IREB2: variants seen among roughly 807,000 people sequenced by gnomAD.
The protein encoded by IREB2 is iron responsive element binding protein 2.
IREB2 carries 39 observed loss-of-function variants against 118.8 expected under a neutral mutation model. That is an observed-to-expected ratio of 0.33 (90% confidence interval 0.25 to 0.43). The LOEUF is 0.43. Among genes scored for constraint, IREB2 ranks in the 20% least tolerant of loss-of-function variants. The pLI is 1.00. For missense variants in IREB2, 900 were observed against 1,147.3 expected, an observed-to-expected ratio of 0.78 and a Z score of 3.11; for synonymous variants, 372 against 392.2, an observed-to-expected ratio of 0.95 and a Z score of 0.61.
chr15:78,449,653 CAG>C (rs1595986314), intron 2 of IREB2, among the ~76,000 whole-genome samples: 1 of 152,166 alleles, frequency 6.6e-6, no homozygotes, highest in East Asian at 1.9e-4. Flanking sequence ...AGACATGAAA[CAG>C]AGTTTGTGAC....
chr15:78,465,003 T>C (rs1335758974), intron 3 of IREB2, among the ~76,000 whole-genome samples: 1 of 152,216 alleles, frequency 6.6e-6, no homozygotes, highest in Non-Finnish European at 1.5e-5. Context: ...TCCCTGAAGT[T>C]CGCTTATGCC....
At position 78,485,739 on chromosome 15, in the gene IREB2, G is replaced by A. The variant is rs1269842853; in HGVS notation, c.1608G>A (p.Leu536=). The A allele has an allele frequency of 6.2e-7, 1 of 1,613,916 alleles. No homozygotes were observed. The highest frequency in any genetic ancestry group is 1.1e-5 in the South Asian group (1 of 91,056). Residue 536 remains leucine (L), a synonymous_variant, in exon 13 of 22, where the codon CTG becomes CTA. Coordinates refer to ENST00000258886, the MANE Select transcript of IREB2 (RefSeq NM_004136.4). ...CTAAAAAGGCTGTTGAAGCTGGTCT[G>A]CGTGTTAAACCTTATATAAGAACAA... The part of the protein sequence containing the change: ...LLAKKAVEAG[L]RVKPYIRTSL...
At chr15:78,470,287 T>C (rs2051353664) in intron 5 of IREB2, among the ~76,000 whole-genome samples, 4 of 152,344 alleles carry the variant, frequency 2.6e-5, no homozygotes, top group South Asian at 4.1e-4. Context: ...TTTTGGACAT[T>C]GGTGTAATGT....
rs1301714045 is a variant in IREB2 at position 78,501,164 on chromosome 15, T to C, written c.*3021T>C. On this transcript the variant is annotated 3_prime_UTR_variant, in exon 22 of 22. Coordinates refer to ENST00000258886, the MANE Select transcript of IREB2 (RefSeq NM_004136.4). ...TGGACTTTGGCTTTTCAGTGTTTTT[T>C]CCCCTAAAGAGTGATATTGCTGACG... The C allele has an allele frequency of 1.3e-5, 2 of 152,192 alleles. No individual in the cohort carries two copies. Among genetic ancestry groups the C allele is most frequent in the Admixed American group, 6.5e-5 (1 of 15,270 alleles). The allele number at this position is 152,192 out of a possible 1,614,324, so 9.4% of individuals were successfully genotyped here.
At chr15:78,445,834 G>A (rs2050920087) in intron 2 of IREB2, among the ~76,000 whole-genome samples, 1 of 152,162 alleles carries the variant, frequency 6.6e-6, no homozygotes, top group Admixed American at 6.5e-5. Context: ...GCCCAGGCTG[G>A]AGTGTAGTGG....
chr15:78,467,817 G>C (rs1422286661), intron 5 of IREB2, among the ~76,000 whole-genome samples: 2 of 152,044 alleles, frequency 1.3e-5, no homozygotes, highest in African/African-American at 4.8e-5. Context: ...AAACTCTTAG[G>C]CTCAAGCGAT....
At chr15:78,459,703 A>G (rs1166305697) in intron 2 of IREB2, among the ~76,000 whole-genome samples, 1 of 152,202 alleles carries the variant, frequency 6.6e-6, no homozygotes, top group Non-Finnish European at 1.5e-5. Flanking sequence ...GGTTATCTCA[A>G]AAATACATTT....
chr15:78,441,534 A>AG (rs1487330425), intron 2 of IREB2, among the ~76,000 whole-genome samples: 2 of 152,240 alleles, frequency 1.3e-5, no homozygotes, highest in East Asian at 3.8e-4. Flanking sequence ...GGAGCACATA[A>AG]GATGTTTTGA....
Position 78,465,352 on chromosome 15 carries a change from C to G in IREB2, c.374C>G (p.Thr125Arg). The change falls in exon 4 of 22, where the codon ACA (threonine) becomes AGA (arginine). Residue 125 changes from threonine (T) to arginine (R), a missense_variant. Thr to Arg is a moderately conservative substitution (Grantham distance 71). Transcript: ENST00000258886. ...CATCCTGCTTGTCCGACAGATCTTA[C>G]AGTTGACCATTCTTTACAAATTGAC... Reference protein sequence around the residue: ...KVHPACPTDLTVDHSLQIDFS... With the variant: ...KVHPACPTDLRVDHSLQIDFS... 3.7e-6 allele frequency: 6 copies of G among 1,613,318 alleles called. No individual in the cohort carries two copies. The highest frequency in any genetic ancestry group is 1.7e-5 in the Admixed American group (1 of 59,808).
rs2051682366 is a variant in IREB2, at chr15:78,487,678, C to T, written c.1710-55C>T. Reference sequence around the variant, plus strand: ...ATAGAAATACAAGATAAGACTTGTCCTTTCTCTATAAATGTTGTGATGTGC... The same window carrying T: ...ATAGAAATACAAGATAAGACTTGTCTTTTCTCTATAAATGTTGTGATGTGC... On this transcript the variant is annotated intron_variant, in intron 13 of 21. Transcript: ENST00000258886. 7 of 940,440 alleles carry T rather than the reference C, an allele frequency of 7.4e-6. No individual in the cohort carries two copies. In the South Asian group the frequency reaches 8.1e-5, roughly 11 times the overall value. 58.3% of individuals were successfully genotyped at this position (940,440 alleles called of 1,614,324 possible). A position where few individuals can be genotyped will look rare whatever the true frequency, so the allele number is the denominator to read the frequency against.
intron 2 of IREB2, 39 bp from the exon 3 acceptor site, chr15:78,462,883 G>T: frequency 1.4e-6 from 2 of 1,467,848 alleles, no homozygotes; most frequent in South Asian, 1.3e-5. Flanking sequence ...ATATAGGTAT[G>T]ACTGTTTGCT....
Position 78,476,369 on chromosome 15 carries a change from T to C in IREB2, c.1195+10T>C. 1 of 1,515,620 alleles carries C rather than the reference T, an allele frequency of 6.6e-7. No homozygotes were observed. 93.9% of individuals were successfully genotyped at this position (1,515,620 alleles called of 1,614,324 possible). ...CATTTAGAACATACAGGTAAGAAGATAAAAGATCACTAGAATAAACATGTT... is the reference window on the plus strand; with the variant it reads ...CATTTAGAACATACAGGTAAGAAGACAAAAGATCACTAGAATAAACATGTT... On this transcript the variant is annotated intron_variant, in intron 9 of 21. Transcript: ENST00000258886.
rs553175244 is a variant in IREB2, at chr15:78,449,040, G to T, written c.106+9159G>T. On this transcript the variant is annotated intron_variant, in intron 2 of 21. Transcript: ENST00000258886. ...AAGCACGGAAGATAGTTTTAAATCT[G>T]TTGTGTACAGATAATACAGATAAGG... Among the ~76,000 whole-genome samples the T allele has an allele frequency of 5.1e-4, 77 of 152,268 alleles. 2 individuals are homozygous for T. In the South Asian group the frequency reaches 0.013, roughly 26 times the overall value.
At chr15:78,446,785 T>C (rs2050936263) in intron 2 of IREB2, among the ~76,000 whole-genome samples, 1 of 152,152 alleles carries the variant, frequency 6.6e-6, no homozygotes, top group Admixed American at 6.5e-5. Flanking sequence ...GTCGCTGCTG[T>C]AGCCAAGGAG....
Position 78,476,559 on chromosome 15 carries a change from G to C in IREB2, c.1195+200G>C, listed in dbSNP as rs560876154. On this transcript the variant is annotated intron_variant, in intron 9 of 21. Transcript: ENST00000258886. The stretch of plus-strand genomic sequence containing the variant: ...CCTAGTTCCCTGTGACACATTGAAA[G>C]CAATTTAAAGGAATTATTCAAACCA... 5.6e-5 allele frequency: 22 copies of C among 394,162 alleles called. 1 individual carries two copies. The Admixed American group carries it at 8.5e-4, about 15-fold the overall frequency. The allele number at this position is 394,162 out of a possible 1,614,324, so 24.4% of individuals were successfully genotyped here. A position where few individuals can be genotyped will look rare whatever the true frequency, so the allele number is the denominator to read the frequency against.
In IREB2 at chr15:78,466,349, T is replaced by C. The variant is rs2051282272; in HGVS notation, c.489T>C (p.Pro163=). 3 of 1,613,904 alleles carry C rather than the reference T, an allele frequency of 1.9e-6. No individual in the cohort carries two copies. Among genetic ancestry groups the C allele is most frequent in the Admixed American group, 3.3e-5 (2 of 59,998 alleles). The change falls in exon 5 of 22, where the codon CCT becomes CCC. Residue 163 remains proline, a synonymous_variant. Coordinates refer to ENST00000258886, the MANE Select transcript of IREB2 (RefSeq NM_004136.4). ...AGCTCTCTCCACTTAAAGTGCAGCC[T>C]AAGAAGCTTCCCTGCAGAGGCCAGA... ...AGKLSPLKVQ[P]KKLPCRGQTT...
chr15:78,456,665 C>CAA (rs10717771), intron 2 of IREB2, among the ~76,000 whole-genome samples: 30 of 130,680 alleles, frequency 2.3e-4, no homozygotes, highest in African/African-American at 6.4e-4. Flanking sequence ...GTCCTTATCT[C>CAA]AAAAAAAAAA....
rs760372840 is a variant in IREB2 at position 78,498,053 on chromosome 15, C to T, written c.2802C>T (p.Phe934=). ...LNIQTSTGKV[F]SVIASFEDDV... ...TCAAGACAAGCACTGGAAAAGTATTCAGCGTGATTGCTTCGTTTGAAGATG... is the reference window on the plus strand; with the variant it reads ...TCAAGACAAGCACTGGAAAAGTATTTAGCGTGATTGCTTCGTTTGAAGATG... The change falls in exon 22 of 22, where the codon TTC becomes TTT. Residue 934 remains phenylalanine (F), a synonymous_variant. Transcript: ENST00000258886. 2 of 1,611,074 alleles carry T rather than the reference C, an allele frequency of 1.2e-6. No individual in the cohort carries two copies. Among genetic ancestry groups the T allele is most frequent in the Admixed American group, 1.7e-5 (1 of 59,944 alleles).
chr15:78,469,039 A>G (rs143926057), intron 5 of IREB2, among the ~76,000 whole-genome samples: 67 of 152,342 alleles, frequency 4.4e-4, no homozygotes, highest in African/African-American at 1.6e-3. Context: ...TAAAAATCCA[A>G]TCTGCTGTAA....
Sources: allele counts gnomAD v4.1 joint callset (sites outside exome capture counted in the v4.1 genomes callset), GRCh38; gene constraint gnomAD v4.1.1; transcripts MANE v1.5; gene names NCBI Gene and HGNC (gene_info 2026-07-23, HGNC 2026-07-21).